The following HELZ variants were observed in gnomAD, a reference collection of about 807,000 sequenced individuals.
HELZ encodes the protein helicase with zinc finger.
A neutral mutation model predicts 218.2 loss-of-function variants in HELZ; 23 were observed. The observed-to-expected ratio is 0.11, with a 90% CI of 0.08 to 0.15. The LOEUF (loss-of-function observed/expected upper bound fraction) is 0.15. Among genes scored for constraint, HELZ ranks in the 10% least tolerant of loss-of-function variants. The pLI is 1.00. For synonymous variants in HELZ, 814 were observed against 829.4 expected (o/e 0.98, Z 0.32); for missense variants, 1,813 against 2,353.7 (o/e 0.77, Z 4.75).
At chr17:67,086,701 A>C (rs2036403313) in intron 32 of HELZ, 128 bp downstream of exon 32, 2 of 716,492 alleles carry the variant, frequency 2.8e-6, no homozygotes, top group Admixed American at 4.9e-5. Context: ...CCTATGAGCT[A>C]TTAGCATCAT....
At chr17:67,086,350 C>T (rs1337546597) in intron 32 of HELZ, among the ~76,000 whole-genome samples, 2 of 151,656 alleles carry the variant, frequency 1.3e-5, no homozygotes, top group African/African-American at 2.4e-5. Flanking sequence ...TTTGGGAGGT[C>T]GAGGCGGGTC....
rs528934716 is a variant in HELZ at position 67,167,003 on chromosome 17, C to T, written c.1765-395G>A. ...GTATCCAGTCGTGAGAGATGATTAG[C>T]CCTGATACTCTATCAATTTACAATT... On this transcript the variant is annotated intron_variant, in intron 14 of 32. Coordinates refer to ENST00000358691, the MANE Select transcript of HELZ (RefSeq NM_014877.4). Among the ~76,000 whole-genome samples the T allele has an allele frequency of 2.7e-4, 41 of 152,248 alleles. 1 individual carries two copies. Among genetic ancestry groups the T allele is most frequent in the African/African-American group, 9.6e-4 (40 of 41,550 alleles).
intron 26 of HELZ, among the ~76,000 whole-genome samples, chr17:67,122,321 G>A (rs543890672): frequency 1.3e-5 from 2 of 152,224 alleles, no homozygotes; most frequent in East Asian, 1.9e-4. Context: ...CAAGACAGGC[G>A]GATCACAAGG....
rs1159832266 is a variant in HELZ at position 67,167,475 on chromosome 17, G to A, written c.1752C>T (p.Asp584=). 1.9e-6 allele frequency: 3 copies of A among 1,611,062 alleles called. No individual in the cohort carries two copies. In the Admixed American group the frequency reaches 5.0e-5, roughly 27 times the overall value. ...ECCEELNLRP[D]CDTQVELQFQ... ...CCTTCAAACATACCTGTGTGTCACA[G>A]TCAGGCCGAAGATTAAGTTCTTCAC... The change falls in exon 14 of 33, where the codon GAC becomes GAT. Residue 584 remains aspartate, a synonymous_variant. Coordinates refer to ENST00000358691, the MANE Select transcript of HELZ (RefSeq NM_014877.4).
rs763546970 is a variant in HELZ, at chr17:67,160,392, A to T, written c.2076-30T>A. Reference sequence around the variant, plus strand: ...TGAAATAAATGGTGCAAATAAAAAGAATGATAAAACACAAAACTATTCAAG... The same window carrying T: ...TGAAATAAATGGTGCAAATAAAAAGTATGATAAAACACAAAACTATTCAAG... On this transcript the variant is annotated intron_variant, in intron 16 of 32. Coordinates refer to ENST00000358691, the MANE Select transcript of HELZ (RefSeq NM_014877.4). The T allele has an allele frequency of 6.1e-6, 9 of 1,476,952 alleles. No homozygotes were observed. The South Asian group carries it at 1.0e-4, about 17-fold the overall frequency. The allele number at this position is 1,476,952 out of a possible 1,614,324, so 91.5% of individuals were successfully genotyped here.
rs187990046 is a variant in HELZ, at chr17:67,219,308, T to G, written c.-18-486A>C. On this transcript the variant is annotated intron_variant, in intron 3 of 32. Coordinates refer to ENST00000358691, the MANE Select transcript of HELZ (RefSeq NM_014877.4). ...CCAATTAAAAAACTGGTTGGAACTGTATGAACTGTCCATTAATTCAATTCA... is the reference window on the plus strand; with the variant it reads ...CCAATTAAAAAACTGGTTGGAACTGGATGAACTGTCCATTAATTCAATTCA... Among the ~76,000 whole-genome samples the G allele has an allele frequency of 2.6e-5, 4 of 152,362 alleles. No homozygotes were observed. In the East Asian group the frequency reaches 7.7e-4, roughly 29 times the overall value.
chr17:67,240,151 A>T (rs2041282637), intron 2 of HELZ, among the ~76,000 whole-genome samples: 1 of 152,246 alleles, frequency 6.6e-6, no homozygotes, highest in Non-Finnish European at 1.5e-5. Context: ...TTCAAATTAC[A>T]GTTATCTTAA....
At chr17:67,145,645 G>T in intron 21 of HELZ, 98 bp downstream of exon 21, 1 of 828,358 alleles carries the variant, frequency 1.2e-6, no homozygotes, top group Non-Finnish European at 1.9e-6. Context: ...AAGTCAATAT[G>T]CAATACAATG....
Position 67,128,626 on chromosome 17 carries a change from T to TC in HELZ, c.3387+24dup, listed in dbSNP as rs1462540753. 5 of 1,600,698 alleles carry TC rather than the reference T, an allele frequency of 3.1e-6. No individual in the cohort carries two copies. In the African/African-American group the frequency reaches 6.7e-5, roughly 21 times the overall value. On this transcript the variant is annotated intron_variant, in intron 24 of 32. Transcript: ENST00000358691. ...GCGAAGTTTTCTCCCTTTAACCTCT[T>TC]CAATTTCATTAACAGAGGCTTTACC...
intron 21 of HELZ, among the ~76,000 whole-genome samples, chr17:67,141,382 C>A (rs1401162284): frequency 2.6e-5 from 4 of 151,160 alleles, no homozygotes; most frequent in Non-Finnish European, 5.9e-5. Flanking sequence ...CAGCAAACTC[C>A]ATAAATATGT....
rs375846172 is a variant in HELZ, at chr17:67,071,357, T to C, written c.*6895A>G. 6.6e-6 allele frequency: 1 copy of C among 152,446 alleles called. No homozygotes were observed. Among genetic ancestry groups the C allele is most frequent in the African/African-American group, 2.4e-5 (1 of 41,538 alleles). 9.4% of individuals were successfully genotyped at this position (152,446 alleles called of 1,614,324 possible). On this transcript the variant is annotated 3_prime_UTR_variant, in exon 33 of 33. Transcript: ENST00000358691. ...TATAAAGAGGTCTTCGCATACAAGT[T>C]ATCGTGCAAAGCAAAGTGTAAATAA...
upstream of HELZ, chr17:67,245,464 G>A: frequency 1.0e-6 from 1 of 985,614 alleles, no homozygotes; most frequent in Non-Finnish European, 1.2e-6. Context: ...CGGTCCTCTC[G>A]CCTCGCCGCG....
rs745794217 is a variant in HELZ, at chr17:67,107,213, A to T, written c.5197T>A (p.Ser1733Thr). ...GAAGAAGAAGATACTGTTCGAGATG[A>T]CAATGGGTGAAATGGCTCTTGACCA... is the stretch of plus-strand genomic sequence containing the variant. ...AIGQEPFHPL[S>T]SRTVSSSSLP... The change falls in exon 31 of 33, where the codon TCA (serine) becomes ACA (threonine). Residue 1733 changes from serine (S) to threonine (T), a missense_variant. Transcript: ENST00000358691. 5.6e-6 allele frequency: 9 copies of T among 1,614,094 alleles called. No individual in the cohort carries two copies. The Admixed American group carries it at 1.5e-4, about 27-fold the overall frequency.
Position 67,137,923 on chromosome 17 carries a change from A to C in HELZ, c.2953+8T>G. 1 of 1,588,924 alleles carries C rather than the reference A, an allele frequency of 6.3e-7. No homozygotes were observed. Among genetic ancestry groups the C allele is most frequent in the Non-Finnish European group, 8.6e-7 (1 of 1,163,452 alleles). On this transcript the variant is annotated splice_region_variant and intron_variant, in intron 22 of 32. Transcript: ENST00000358691. ...TGAATGACTGAATTCATTTCAATTG[A>C]CACTTACCTTGAACATTTAGCACCC...
At chr17:67,125,285 ACTATATATATAT>A in intron 24 of HELZ, among the ~76,000 whole-genome samples, 1 of 62,972 alleles carries the variant, frequency 1.6e-5, no homozygotes, top group African/African-American at 6.8e-5. Context: ...ATTGGCACCA[ACTATATATATAT>A]ATATATATAT....
chr17:67,245,507 T>C, upstream of HELZ: 2 of 985,542 alleles, frequency 2.0e-6, no homozygotes, highest in Non-Finnish European at 1.2e-6. Context: ...GCGTCTGCAT[T>C]GAATCAACCC....
intron 12 of HELZ, among the ~76,000 whole-genome samples, chr17:67,181,531 T>C (rs1346239910): frequency 6.6e-6 from 1 of 152,230 alleles, no homozygotes; most frequent in African/African-American, 2.4e-5. Context: ...ACTTCATAAA[T>C]GTATACAACT....
At chr17:67,205,749 T>C (rs1392767768) in intron 5 of HELZ, among the ~76,000 whole-genome samples, 1 of 152,276 alleles carries the variant, frequency 6.6e-6, no homozygotes, top group Admixed American at 6.5e-5. Context: ...TGGTTTTGTA[T>C]GAGGTATTTG....
chr17:67,138,516 C>T (rs1021111929), intron 21 of HELZ, among the ~76,000 whole-genome samples: 4 of 152,146 alleles, frequency 2.6e-5, no homozygotes, highest in Non-Finnish European at 1.5e-5. Context: ...TGAAACTAAC[C>T]AACCAACTAG....
Sources: allele counts gnomAD v4.1 joint callset (sites outside exome capture counted in the v4.1 genomes callset), GRCh38; gene constraint gnomAD v4.1.1; transcripts MANE v1.5; gene names NCBI Gene and HGNC (gene_info 2026-07-23, HGNC 2026-07-21).